The following KCNMA1 variants were observed in gnomAD, a reference collection of about 807,000 sequenced individuals.
KCNMA1 encodes the protein Calcium-activated potassium channel subunit alpha-1.
KCNMA1 carries 29 observed loss-of-function variants against 140.0 expected under a neutral mutation model. That is an observed-to-expected ratio of 0.21 (90% confidence interval 0.15 to 0.28). The LOEUF (loss-of-function observed/expected upper bound fraction) is 0.28, where lower values mean the gene tolerates loss of function less well. Among genes scored for constraint, KCNMA1 ranks in the 10% least tolerant of loss-of-function variants. The probability of loss-of-function intolerance (pLI) is 1.00; values close to 1 mark genes in which losing one functional copy is unlikely to be tolerated. For synonymous variants in KCNMA1, 612 were observed against 611.9 expected, an observed-to-expected ratio of 1.00 and a Z score of 0.00; for missense variants, 880 against 1,602.2, an observed-to-expected ratio of 0.55 and a Z score of 7.70.
At chr10:77,330,176 A>G (rs1193102488) in intron 2 of KCNMA1, among the ~76,000 whole-genome samples, 2 of 152,108 alleles carry the variant, frequency 1.3e-5, no homozygotes, top group African/African-American at 4.8e-5. Flanking sequence ...CCACCCACTG[A>G]GTTCACCATA....
At chr10:76,981,429 T>C (rs1201875274) in intron 19 of KCNMA1, among the ~76,000 whole-genome samples, 2 of 152,148 alleles carry the variant, frequency 1.3e-5, no homozygotes, top group Non-Finnish European at 2.9e-5. Context: ...GAAAGACAGA[T>C]GGGGACAGAG....
chr10:77,300,921 C>T (rs1332456704), intron 2 of KCNMA1, among the ~76,000 whole-genome samples: 5 of 152,186 alleles, frequency 3.3e-5, no homozygotes, highest in Admixed American at 6.5e-5. Context: ...CTAGGGCACT[C>T]GCTGGCCCCA....
chr10:77,303,599 T>G (rs938614798), intron 2 of KCNMA1, among the ~76,000 whole-genome samples: 1 of 152,212 alleles, frequency 6.6e-6, no homozygotes, highest in African/African-American at 2.4e-5. Context: ...ATGTCACCCC[T>G]GGGCTTCCTC....
chr10:77,329,830 C>A (rs1050536361), intron 2 of KCNMA1, among the ~76,000 whole-genome samples: 1 of 152,148 alleles, frequency 6.6e-6, no homozygotes, highest in Non-Finnish European at 1.5e-5. Flanking sequence ...AATTGCTTCA[C>A]CTCTTTGTCC....
At chr10:77,555,954 A>C (rs569316599) in intron 1 of KCNMA1, among the ~76,000 whole-genome samples, 31 of 152,298 alleles carry the variant, frequency 2.0e-4, no homozygotes, top group Admixed American at 1.3e-3. Flanking sequence ...AAACATTGAC[A>C]CTCTATAAAG....
chr10:77,363,594 T>C (rs564781482), intron 2 of KCNMA1, among the ~76,000 whole-genome samples: 4 of 152,338 alleles, frequency 2.6e-5, no homozygotes, highest in Non-Finnish European at 5.9e-5. Flanking sequence ...AAATGTAAAA[T>C]ACTTTCTCTG....
intron 1 of KCNMA1, among the ~76,000 whole-genome samples, chr10:77,537,201 A>C (rs2059099867): frequency 6.6e-6 from 1 of 152,048 alleles, no homozygotes. Flanking sequence ...TGCTCCTAGA[A>C]CCAAACTCCT....
At chr10:77,325,606 G>A (rs778992910) in intron 2 of KCNMA1, among the ~76,000 whole-genome samples, 1 of 152,178 alleles carries the variant, frequency 6.6e-6, no homozygotes, top group East Asian at 1.9e-4. Context: ...CATTTCCCAT[G>A]GATGCCCACT....
At chr10:77,026,645 AT>A (rs71028246) in intron 16 of KCNMA1, among the ~76,000 whole-genome samples, 20,018 of 151,976 alleles carry the variant, frequency 0.13, 1,460 homozygotes, top group African/African-American at 0.19. Flanking sequence ...CAAATCTACC[AT>A]TTTTTTCTTC....
chr10:77,634,163 A>C, intron 1 of KCNMA1: 1 of 985,454 alleles, frequency 1.0e-6, no homozygotes, highest in African/African-American at 1.7e-5. Context: ...CTCCCTATTC[A>C]ATATAGTCTA....
chr10:77,417,446 G>A (rs1476089714), intron 1 of KCNMA1, among the ~76,000 whole-genome samples: 2 of 152,202 alleles, frequency 1.3e-5, no homozygotes, highest in East Asian at 3.9e-4. Context: ...TGACGTCTGG[G>A]TAAACCAGGC....
intron 1 of KCNMA1, among the ~76,000 whole-genome samples, chr10:77,443,202 C>T (rs1217276426): frequency 1.3e-5 from 2 of 152,160 alleles, no homozygotes; most frequent in Admixed American, 6.5e-5. Flanking sequence ...CAGGGGCCTA[C>T]ATATGTTTTC....
At chr10:77,201,450 G>C (rs1278940005) in intron 3 of KCNMA1, among the ~76,000 whole-genome samples, 1 of 152,170 alleles carries the variant, frequency 6.6e-6, no homozygotes, top group Admixed American at 6.5e-5. Flanking sequence ...TGGAAAAGGA[G>C]CACAGGCTGA....
At chr10:77,033,779 C>G (rs1003617714) in intron 15 of KCNMA1, among the ~76,000 whole-genome samples, 3 of 152,046 alleles carry the variant, frequency 2.0e-5, no homozygotes, top group African/African-American at 7.2e-5. Flanking sequence ...ACTTTAGGGT[C>G]AACGGTTTAT....
At chr10:77,463,584 G>A (rs1416836738) in intron 1 of KCNMA1, among the ~76,000 whole-genome samples, 1 of 152,188 alleles carries the variant, frequency 6.6e-6, no homozygotes, top group African/African-American at 2.4e-5. Context: ...AACTAGGTTA[G>A]CACTCAGGGT....
intron 5 of KCNMA1, among the ~76,000 whole-genome samples, chr10:77,175,191 T>A (rs1207338534): frequency 3.3e-5 from 5 of 152,242 alleles, no homozygotes; most frequent in East Asian, 3.9e-4. Flanking sequence ...GGAACCACAC[T>A]TTGAGAACCA....
chr10:77,289,917 C>T (rs544271393), intron 2 of KCNMA1, among the ~76,000 whole-genome samples: 74 of 152,178 alleles, frequency 4.9e-4, no homozygotes, highest in African/African-American at 1.7e-3. Flanking sequence ...AAAGTAAGCC[C>T]ATAAGAGAAA....
intron 2 of KCNMA1, among the ~76,000 whole-genome samples, chr10:77,297,312 C>T (rs1480135525): frequency 6.6e-6 from 1 of 152,208 alleles, no homozygotes; most frequent in Non-Finnish European, 1.5e-5. Context: ...CACATTTCAT[C>T]TACAGGACAT....
At chr10:77,406,560 C>T (rs1274131211) in intron 1 of KCNMA1, among the ~76,000 whole-genome samples, 1 of 152,146 alleles carries the variant, frequency 6.6e-6, no homozygotes, top group Non-Finnish European at 1.5e-5. Flanking sequence ...ATGTCAGGCA[C>T]TTCTGATGCT....
Sources: gnomAD v4.1 joint callset for allele counts (sites outside exome capture counted in the v4.1 genomes callset) on GRCh38, gnomAD v4.1.1 for gene constraint, MANE v1.5 for transcripts, NCBI Gene and HGNC (gene_info 2026-07-23, HGNC 2026-07-21) for gene names.